The following DYNC1H1 variants were observed in gnomAD, a reference collection of about 807,000 sequenced individuals.
DYNC1H1 encodes dynein cytoplasmic 1 heavy chain 1.
DYNC1H1 carries 51 observed loss-of-function variants against 527.1 expected under a neutral mutation model. The ratio of observed to expected loss-of-function variants is 0.10; its 90% CI spans 0.08 to 0.12. DYNC1H1 has a LOEUF of 0.12. Ranked by LOEUF, DYNC1H1 falls within the 10% of genes least tolerant of loss-of-function variation. The probability of loss-of-function intolerance (pLI) is 1.00; values close to 1 mark genes in which losing one functional copy is unlikely to be tolerated. For missense variants in DYNC1H1, 2,771 were observed against 5,971.8 expected (o/e 0.46, Z 17.66); for synonymous variants, 2,189 against 2,278.8 (o/e 0.96, Z 1.12).
chr14:102,033,523 T>C lies in DYNC1H1; in HGVS notation c.10413+39T>C, dbSNP rs1332767355. 6.2e-7 allele frequency: 1 copy of C among 1,609,650 alleles called. No homozygotes were observed. Among genetic ancestry groups the C allele is most frequent in the Admixed American group, 1.7e-5 (1 of 59,636 alleles). On this transcript the variant is annotated intron_variant, in intron 54 of 77. Transcript: ENST00000360184. This position sits in a 1 kb window ranked among gnomAD's most constrained non-coding sequence, Gnocchi z 5.6. ...CATTGATCCTCAGCCTTTCCTGCTG[T>C]GGAAGCAGAGATTAACACACTTCAA...
chr14:101,981,882 T>C (rs2047869390), intron 5 of DYNC1H1, among the ~76,000 whole-genome samples: 1 of 152,226 alleles, frequency 6.6e-6, no homozygotes, highest in Admixed American at 6.5e-5. Context: ...AAGCCATGAA[T>C]GTAAAACTTA....
At position 102,027,167 on chromosome 14, in the gene DYNC1H1, G is replaced by A. The variant is rs758936427; in HGVS notation, c.8772-7G>A. On this transcript the variant is annotated splice_polypyrimidine_tract_variant and splice_region_variant and intron_variant, in intron 44 of 77. Coordinates refer to ENST00000360184, the MANE Select transcript of DYNC1H1 (RefSeq NM_001376.5). This position sits in a 1 kb window ranked among gnomAD's most constrained non-coding sequence, Gnocchi z 7.7. Reference sequence around the variant, plus strand: ...CTTAACATTGATCAGTTCTCGTAATGTTTCAGAATATTCCGTCAACCTCAA... The same window carrying A: ...CTTAACATTGATCAGTTCTCGTAATATTTCAGAATATTCCGTCAACCTCAA... 12 of 1,613,682 alleles carry A rather than the reference G, an allele frequency of 7.4e-6. No individual in the cohort carries two copies. Among genetic ancestry groups the A allele is most frequent in the Non-Finnish European group, 1.0e-5 (12 of 1,179,726 alleles).
rs1473948751 is a variant in DYNC1H1, at chr14:101,964,603, T to G, written c.-89T>G. 1 of 1,530,022 alleles carries G rather than the reference T, an allele frequency of 6.5e-7. No individual in the cohort carries two copies. Among genetic ancestry groups the G allele is most frequent in the African/African-American group, 1.4e-5 (1 of 72,598 alleles). The allele number at this position is 1,530,022 out of a possible 1,614,324, so 94.8% of individuals were successfully genotyped here. A position where few individuals can be genotyped will look rare whatever the true frequency, so the allele number is the denominator to read the frequency against. On this transcript the variant is annotated 5_prime_UTR_variant, in exon 1 of 78. Coordinates refer to ENST00000360184, the MANE Select transcript of DYNC1H1 (RefSeq NM_001376.5). This position sits in a 1 kb window ranked among gnomAD's most constrained non-coding sequence, Gnocchi z 5.5. ...GCGGTGGGCTAGCGGACGGTCCGGC[T>G]TCCGGCGGCCGTTTCTGTCTCTTGC...
chr14:101,979,640 A>G lies in DYNC1H1; in HGVS notation c.519-79A>G. 1 of 1,608,880 alleles carries G rather than the reference A, an allele frequency of 6.2e-7. No individual in the cohort carries two copies. Among genetic ancestry groups the G allele is most frequent in the Non-Finnish European group, 8.5e-7 (1 of 1,177,200 alleles). ...ATTAATAAATATGTGTGTCATTACT[A>G]TTTGACAGACCTGAAATGATGGGAT... On this transcript the variant is annotated intron_variant, in intron 3 of 77. Transcript: ENST00000360184. This position sits in a 1 kb window ranked among gnomAD's most constrained non-coding sequence, Gnocchi z 4.6.
rs1233163076 is a variant in DYNC1H1, at chr14:102,055,758, C to T, written c.*5195C>T. ...GCCCTGGCTCCTCCTCCTTCCAAAC[C>T]CCGCAGGCAGCTGATTAGCAAACTC... On this transcript the variant is annotated 3_prime_UTR_variant, in exon 78 of 78. Transcript: ENST00000360184. 1.3e-5 allele frequency: 2 copies of T among 152,474 alleles called. No homozygotes were observed. Among genetic ancestry groups the T allele is most frequent in the East Asian group, 3.8e-4 (2 of 5,196 alleles). The allele number at this position is 152,474 out of a possible 1,614,324, so 9.4% of individuals were successfully genotyped here.
chr14:102,032,990 T>G, intron 52 of DYNC1H1, 75 bp from the exon 53 acceptor site: 1 of 1,485,500 alleles, frequency 6.7e-7, no homozygotes, highest in Non-Finnish European at 9.4e-7. Flanking sequence ...TCTGGTCTCT[T>G]CCATTTTAAT....
Position 101,994,295 on chromosome 14 carries a change from A to G in DYNC1H1, c.3127A>G (p.Ile1043Val). 1 of 1,614,186 alleles carries G rather than the reference A, an allele frequency of 6.2e-7. No individual in the cohort carries two copies. Among genetic ancestry groups the G allele is most frequent in the Non-Finnish European group, 8.5e-7 (1 of 1,180,036 alleles). ...LEESYSAVMG[I>V]VSEVEQYVKV... Reference sequence around the variant, plus strand: ...AGAGTCGTATTCTGCTGTCATGGGCATTGTATCTGAAGTTGAACAGTATGT... The same window carrying G: ...AGAGTCGTATTCTGCTGTCATGGGCGTTGTATCTGAAGTTGAACAGTATGT... Residue 1043 changes from isoleucine (I) to valine (V), a missense_variant, in exon 12 of 78, where the codon ATT becomes GTT. Ile to Val is a conservative substitution (Grantham distance 29, BLOSUM62 3). Coordinates refer to ENST00000360184, the MANE Select transcript of DYNC1H1 (RefSeq NM_001376.5).
chr14:102,028,933 T>C (rs568302034), intron 48 of DYNC1H1: 1 of 164,790 alleles, frequency 6.1e-6, no homozygotes, highest in East Asian at 1.7e-4. Flanking sequence ...TACTGAAAAA[T>C]GCAAGGCTTG....
rs1323638093 is a variant in DYNC1H1 at position 102,052,462 on chromosome 14, G to C, written c.*1899G>C. On this transcript the variant is annotated 3_prime_UTR_variant, in exon 78 of 78. Transcript: ENST00000360184. Reference sequence around the variant, plus strand: ...AAAACATTTATGTGCATCGACATCAGCTTTGATCAGAAGAGCCCCTGCTCC... The same window carrying C: ...AAAACATTTATGTGCATCGACATCACCTTTGATCAGAAGAGCCCCTGCTCC... 1 of 152,296 alleles carries C rather than the reference G, an allele frequency of 6.6e-6. No individual in the cohort carries two copies. The highest frequency in any genetic ancestry group is 2.4e-5 in the African/African-American group (1 of 41,462). The allele number at this position is 152,296 out of a possible 1,614,324, so 9.4% of individuals were successfully genotyped here. A position where few individuals can be genotyped will look rare whatever the true frequency, so the allele number is the denominator to read the frequency against.
At chr14:102,048,857 GT>G in intron 74 of DYNC1H1, 188 bp downstream of exon 74, 1 of 764,388 alleles carries the variant, frequency 1.3e-6, no homozygotes, top group Non-Finnish European at 2.0e-6. Flanking sequence ...TGAAGAATTT[GT>G]TTTTCTTCTG....
intron 1 of DYNC1H1, among the ~76,000 whole-genome samples, chr14:101,967,563 G>A (rs149143832): frequency 2.3e-3 from 345 of 152,260 alleles, no homozygotes; most frequent in Non-Finnish European, 3.9e-3. Flanking sequence ...CATTGAGCTG[G>A]GTGCGGTGGC....
chr14:102,044,743 G>T lies in DYNC1H1; in HGVS notation c.13006+45G>T. Reference sequence around the variant, plus strand: ...CCCACACGCAGGGTGGGTGGCGAGGGTCCCCTCACGCGGGGTGGGTGGCGA... The same window carrying T: ...CCCACACGCAGGGTGGGTGGCGAGGTTCCCCTCACGCGGGGTGGGTGGCGA... On this transcript the variant is annotated intron_variant, in intron 72 of 77. Coordinates refer to ENST00000360184, the MANE Select transcript of DYNC1H1 (RefSeq NM_001376.5). This position sits in a 1 kb window ranked among gnomAD's most constrained non-coding sequence, Gnocchi z 7.1. The T allele has an allele frequency of 1.4e-6, 2 of 1,396,240 alleles. No individual in the cohort carries two copies. The highest frequency in any genetic ancestry group is 2.0e-6 in the Non-Finnish European group (2 of 1,019,226). The allele number at this position is 1,396,240 out of a possible 1,614,324, so 86.5% of individuals were successfully genotyped here. A position where few individuals can be genotyped will look rare whatever the true frequency, so the allele number is the denominator to read the frequency against.
chr14:102,050,325 T>A, intron 77 of DYNC1H1, 110 bp from the exon 78 acceptor site: 1 of 1,610,962 alleles, frequency 6.2e-7, no homozygotes, highest in South Asian at 1.1e-5. Flanking sequence ...GGAAATCCAT[T>A]TCGCACCTGT....
In DYNC1H1 at chr14:102,050,816, C is replaced by T. The variant is rs17513003; in HGVS notation, c.*253C>T. ...GAGCCGGCTCCGCCTCTTCTGTCTC[C>T]GCTTTCATCCCAGGGCACAGAGCCT... On this transcript the variant is annotated 3_prime_UTR_variant, in exon 78 of 78. Coordinates refer to ENST00000360184, the MANE Select transcript of DYNC1H1 (RefSeq NM_001376.5). The T allele has an allele frequency of 0.036, 17,801 of 491,400 alleles. 378 individuals carry two copies. Among genetic ancestry groups the T allele is most frequent in the Middle Eastern group, 0.084 (136 of 1,626 alleles). The allele number at this position is 491,400 out of a possible 1,614,324, so 30.4% of individuals were successfully genotyped here.
intron 43 of DYNC1H1, among the ~76,000 whole-genome samples, chr14:102,025,426 G>A (rs1309318820): frequency 4.0e-5 from 6 of 150,420 alleles, no homozygotes; most frequent in Non-Finnish European, 7.4e-5. Context: ...AAAATTGCCA[G>A]GTATGGTGGC....
At chr14:102,007,804 T>G (rs1320563495) in intron 28 of DYNC1H1, among the ~76,000 whole-genome samples, 1 of 152,190 alleles carries the variant, frequency 6.6e-6, no homozygotes, top group Non-Finnish European at 1.5e-5. Context: ...GGCTTAACAA[T>G]AGAAATGTAT....
Position 102,043,952 on chromosome 14 carries a change from A to G in DYNC1H1, c.12591A>G (p.Ala4197=). 1 of 1,614,194 alleles carries G rather than the reference A, an allele frequency of 6.2e-7. No individual in the cohort carries two copies. Reference sequence around the variant, plus strand: ...TCATCCAAGAACGCTTACGATACGCACCACTGGGGTGGTCAAAGAAGTATG... The same window carrying G: ...TCATCCAAGAACGCTTACGATACGCGCCACTGGGGTGGTCAAAGAAGTATG... The part of the protein sequence containing the change: ...HAIIQERLRY[A]PLGWSKKYEF... Residue 4197 remains alanine (A), a synonymous_variant, in exon 70 of 78, where the codon GCA becomes GCG. Transcript: ENST00000360184.
In DYNC1H1 at chr14:102,010,012, C is replaced by A. The variant is rs752707211; in HGVS notation, c.6147C>A (p.Ile2049=). The A allele has an allele frequency of 1.2e-6, 2 of 1,614,080 alleles. No homozygotes were observed. The highest frequency in any genetic ancestry group is 1.3e-5 in the African/African-American group (1 of 75,020). The change falls in exon 30 of 78, where the codon ATC becomes ATA. Residue 2049 remains isoleucine, a synonymous_variant. Coordinates refer to ENST00000360184, the MANE Select transcript of DYNC1H1 (RefSeq NM_001376.5). The surrounding 1 kb of genome is among the most constrained non-coding windows in gnomAD (Gnocchi z 6.0). ...TGACCAAGCCCGACCGGCAGTTAAT[C>A]GCCCAGGTCATGCTGTACTCACAGG... The part of the protein sequence containing the change: ...LAMTKPDRQL[I]AQVMLYSQGF...
Position 102,012,596 on chromosome 14 carries a change from T to A in DYNC1H1, c.7014+126T>A. The A allele has an allele frequency of 1.5e-6, 2 of 1,354,656 alleles. No homozygotes were observed. Among genetic ancestry groups the A allele is most frequent in the Non-Finnish European group, 2.1e-6 (2 of 955,852 alleles). 83.9% of individuals were successfully genotyped at this position (1,354,656 alleles called of 1,614,324 possible). A position where few individuals can be genotyped will look rare whatever the true frequency, so the allele number is the denominator to read the frequency against. The stretch of plus-strand genomic sequence containing the variant: ...CATGGAGTAGTGATCATTGTGTAAG[T>A]AATTTTCAAAGATAGCATCTCAACT... On this transcript the variant is annotated intron_variant, in intron 34 of 77. Transcript: ENST00000360184. The surrounding 1 kb of genome is among the most constrained non-coding windows in gnomAD (Gnocchi z 4.9).
Sources: allele counts gnomAD v4.1 joint callset (sites outside exome capture counted in the v4.1 genomes callset), GRCh38; gene constraint gnomAD v4.1.1; non-coding constraint Gnocchi (gnomAD v3.1); transcripts MANE v1.5; gene names NCBI Gene and HGNC (gene_info 2026-07-23, HGNC 2026-07-21).